CASR: variants seen among roughly 807,000 people sequenced by gnomAD.
CASR encodes the protein calcium sensing receptor.
A neutral mutation model predicts 69.1 loss-of-function variants in CASR; 23 were observed. That is an observed-to-expected ratio of 0.33 (90% CI 0.24 to 0.47). CASR has a LOEUF of 0.47. Ranked by LOEUF, CASR falls within the 20% of genes least tolerant of loss-of-function variation. CASR has a pLI of 1.00. For missense variants in CASR, 924 were observed against 1,356.1 expected (o/e 0.68, Z 5.00); for synonymous variants, 541 against 544.7 (o/e 0.99, Z 0.10).
rs2074949973 is a variant in CASR, at chr3:122,284,919, C to T, written c.2965C>T (p.His989Tyr). The T allele has an allele frequency of 6.2e-7, 1 of 1,614,142 alleles. No homozygotes were observed. The highest frequency in any genetic ancestry group is 2.2e-5 in the East Asian group (1 of 44,882). ...FDEPQKNAMA[H>Y]RNSTHQNSLE... ...TGAGCCTCAGAAGAACGCCATGGCC[C>T]ACAGGAATTCTACGCACCAGAACTC... Residue 989 changes from histidine to tyrosine, a missense_variant, in exon 7 of 7, where the codon CAC becomes TAC. This residue lies in a region of CASR where 201 missense variants were observed against 228.8 expected (regional missense o/e 0.88). Coordinates refer to ENST00000639785, the MANE Select transcript of CASR (RefSeq NM_000388.4).
At chr3:122,270,813 A>G (rs1212902014) in intron 4 of CASR, among the ~76,000 whole-genome samples, 1 of 151,866 alleles carries the variant, frequency 6.6e-6, no homozygotes, top group African/African-American at 2.4e-5. Flanking sequence ...TTTTCCAAAC[A>G]TTTTTCTGTT....
At chr3:122,238,666 C>T (rs2074352628) in intron 1 of CASR, among the ~76,000 whole-genome samples, 2 of 152,188 alleles carry the variant, frequency 1.3e-5, no homozygotes, top group Admixed American at 1.3e-4. Context: ...TAAAGTGACT[C>T]CTTCCTTCTG....
At chr3:122,244,465 G>T (rs60615758) in intron 1 of CASR, among the ~76,000 whole-genome samples, 2 of 152,072 alleles carry the variant, frequency 1.3e-5, no homozygotes, top group Non-Finnish European at 2.9e-5. Flanking sequence ...ACAAACTATG[G>T]TTACATACAA....
intron 1 of CASR, among the ~76,000 whole-genome samples, chr3:122,188,097 T>G (rs2073804357): frequency 6.6e-6 from 1 of 152,208 alleles, no homozygotes; most frequent in African/African-American, 2.4e-5. Flanking sequence ...GGGTTTTACA[T>G]AGAGGAGTGA....
In CASR at chr3:122,284,309, C is replaced by T. The variant is rs1472693542; in HGVS notation, c.2355C>T (p.Ala785=). Residue 785 remains alanine (A), a synonymous_variant, in exon 7 of 7, where the codon GCC becomes GCT. Coordinates refer to ENST00000639785, the MANE Select transcript of CASR (RefSeq NM_000388.4). The part of the protein sequence containing the change: ...FLIGYTCLLA[A]ICFFFAFKSR... ...TCGGCTACACCTGCCTGCTGGCTGCCATCTGCTTCTTCTTTGCCTTCAAGT... is the reference window on the plus strand; with the variant it reads ...TCGGCTACACCTGCCTGCTGGCTGCTATCTGCTTCTTCTTTGCCTTCAAGT... 1.9e-6 allele frequency: 3 copies of T among 1,614,030 alleles called. No homozygotes were observed. Among genetic ancestry groups the T allele is most frequent in the Admixed American group, 1.7e-5 (1 of 60,004 alleles).
At chr3:122,273,487 C>T (rs564916089) in intron 4 of CASR, among the ~76,000 whole-genome samples, 1 of 152,290 alleles carries the variant, frequency 6.6e-6, no homozygotes, top group East Asian at 1.9e-4. Context: ...CCTACCTCTT[C>T]ACTTTTCTCA....
chr3:122,265,315 T>G (rs1343147714), intron 4 of CASR, among the ~76,000 whole-genome samples: 1 of 152,170 alleles, frequency 6.6e-6, no homozygotes, highest in Non-Finnish European at 1.5e-5. Context: ...AAAAAAATAT[T>G]TATCAGTCAA....
chr3:122,275,450 T>G (rs1225590069), intron 4 of CASR, among the ~76,000 whole-genome samples: 1 of 152,246 alleles, frequency 6.6e-6, no homozygotes, highest in Non-Finnish European at 1.5e-5. Flanking sequence ...ATGCCAGGGA[T>G]GGACTCTGGC....
chr3:122,238,456 G>C (rs1253393873), intron 1 of CASR, among the ~76,000 whole-genome samples: 1 of 152,126 alleles, frequency 6.6e-6, no homozygotes, highest in Non-Finnish European at 1.5e-5. Context: ...AGTGCTCTGG[G>C]GTCTTACATA....
chr3:122,244,942 G>A (rs1401122989), intron 1 of CASR, among the ~76,000 whole-genome samples: 2 of 151,988 alleles, frequency 1.3e-5, no homozygotes, highest in Admixed American at 6.6e-5. Context: ...CATGTTTAAC[G>A]TTTATGTCCC....
intron 1 of CASR, among the ~76,000 whole-genome samples, chr3:122,221,450 T>C (rs2074171008): frequency 6.6e-6 from 1 of 152,228 alleles, no homozygotes; most frequent in Non-Finnish European, 1.5e-5. Context: ...AGTAGGAATC[T>C]ACAGAGGTTC....
At position 122,284,946 on chromosome 3, in the gene CASR, C is replaced by T; in HGVS notation, c.2992C>T (p.Leu998=). 1 of 1,614,198 alleles carries T rather than the reference C, an allele frequency of 6.2e-7. No individual in the cohort carries two copies. The highest frequency in any genetic ancestry group is 8.5e-7 in the Non-Finnish European group (1 of 1,180,016). Residue 998 remains leucine (L), a synonymous_variant, in exon 7 of 7, where the codon CTG becomes TTG. Transcript: ENST00000639785. ...AHRNSTHQNS[L]EAQKSSDTLT... ...CAGGAATTCTACGCACCAGAACTCC[C>T]TGGAGGCCCAGAAAAGCAGCGATAC...
chr3:122,229,610 C>A (rs2074260783), intron 1 of CASR, among the ~76,000 whole-genome samples: 1 of 150,814 alleles, frequency 6.6e-6, no homozygotes, highest in Non-Finnish European at 1.5e-5. Flanking sequence ...ACCTGTAATC[C>A]CAGCATTTTG....
intron 3 of CASR, among the ~76,000 whole-genome samples, chr3:122,261,191 G>A (rs970413012): frequency 6.6e-6 from 1 of 152,140 alleles, no homozygotes; most frequent in South Asian, 2.1e-4. Context: ...GACATGAAAC[G>A]GTGCATAAAG....
intron 1 of CASR, among the ~76,000 whole-genome samples, chr3:122,207,564 T>C (rs991265879): frequency 1.3e-5 from 2 of 152,126 alleles, no homozygotes; most frequent in African/African-American, 2.4e-5. Flanking sequence ...ACTATGTTTC[T>C]GAACACCAAT....
chr3:122,249,339 T>C (rs759552729), intron 1 of CASR, among the ~76,000 whole-genome samples: 26 of 152,252 alleles, frequency 1.7e-4, no homozygotes, highest in Non-Finnish European at 3.4e-4. Flanking sequence ...GTCCTTATAA[T>C]GCGCCTTTCT....
intron 1 of CASR, among the ~76,000 whole-genome samples, chr3:122,218,494 A>G (rs559670927): frequency 1.4e-5 from 2 of 148,118 alleles, no homozygotes; most frequent in South Asian, 4.3e-4. Context: ...AGATCATGCC[A>G]CTGCACTCCA....
chr3:122,263,242 T>A, intron 4 of CASR, among the ~76,000 whole-genome samples: 1 of 152,186 alleles, frequency 6.6e-6, no homozygotes. Flanking sequence ...AGGGCGGGAA[T>A]TCCTGAATTT....
At chr3:122,250,969 C>T (rs1273461358) in intron 1 of CASR, among the ~76,000 whole-genome samples, 2 of 152,072 alleles carry the variant, frequency 1.3e-5, no homozygotes, top group Non-Finnish European at 2.9e-5. Context: ...AGCACATGTA[C>T]TTATTAAATG....
Sources: allele counts gnomAD v4.1 joint callset (sites outside exome capture counted in the v4.1 genomes callset), GRCh38; gene constraint gnomAD v4.1.1; regional missense constraint gnomAD v4.1.1; transcripts MANE v1.5; gene names NCBI Gene and HGNC (gene_info 2026-07-23, HGNC 2026-07-21).